The following FAM162B variants were observed in gnomAD, a reference collection of about 807,000 sequenced individuals.
FAM162B encodes the protein protein FAM162B.
In FAM162B, 16 loss-of-function variants were observed where a neutral mutation model predicts 20.0. The ratio of observed to expected loss-of-function variants is 0.80; its 90% CI spans 0.54 to 1.21. FAM162B has a LOEUF of 1.21. FAM162B is among the 50% of genes most tolerant of loss of function. The pLI is 0.00. For missense variants in FAM162B, 260 were observed against 227.5 expected (o/e 1.14, Z -0.92); for synonymous variants, 83 against 89.7 (o/e 0.93, Z 0.42).
At chr6:116,760,154 T>G (rs1371840313) in intron 3 of FAM162B, among the ~76,000 whole-genome samples, 13 of 152,212 alleles carry the variant, frequency 8.5e-5, no homozygotes, top group Admixed American at 8.5e-4. Flanking sequence ...CAAAAGTATT[T>G]AGTGTATTAA....
At chr6:116,755,211 T>G (rs558924869) in intron 3 of FAM162B, among the ~76,000 whole-genome samples, 2 of 152,302 alleles carry the variant, frequency 1.3e-5, no homozygotes, top group South Asian at 4.1e-4. Flanking sequence ...ACGTTGTGAA[T>G]GCAAAGGAAA....
chr6:116,754,529 A>G (rs1361319101), intron 3 of FAM162B, among the ~76,000 whole-genome samples: 1 of 152,186 alleles, frequency 6.6e-6, no homozygotes, highest in Non-Finnish European at 1.5e-5. Flanking sequence ...AAAAAGAAAA[A>G]TTGCTAACAT....
Position 116,765,396 on chromosome 6 carries a change from C to T in FAM162B, c.172+9G>A. ...CTCCCAGGACCTCCCCGTCGGAGCC[C>T]TGGCTCACCGTGACCTTGGGGCCCA... is the stretch of plus-strand genomic sequence containing the variant. On this transcript the variant is annotated intron_variant, in intron 1 of 3. Coordinates refer to ENST00000368557, the MANE Select transcript of FAM162B (RefSeq NM_001085480.3). 1 of 1,475,100 alleles carries T rather than the reference C, an allele frequency of 6.8e-7. No homozygotes were observed. Among genetic ancestry groups the T allele is most frequent in the African/African-American group, 1.4e-5 (1 of 70,916 alleles). The allele number at this position is 1,475,100 out of a possible 1,614,324, so 91.4% of individuals were successfully genotyped here.
At position 116,765,468 on chromosome 6, in the gene FAM162B, G is replaced by T; in HGVS notation, c.109C>A (p.Pro37Thr). Residue 37 changes from proline to threonine, a missense_variant, in exon 1 of 4, where the codon CCC (proline) becomes ACC (threonine). By Grantham distance (38) the Pro-to-Thr change is conservative. Coordinates refer to ENST00000368557, the MANE Select transcript of FAM162B (RefSeq NM_001085480.3). The stretch of plus-strand genomic sequence containing the variant: ...CTGGAGTAGCAGGGGAGACCCCGGG[G>T]CGGAAGAGCCGGTGCGGGCCGTCGC... ...ATRRPAPALP[P>T]RGLPCYSSGG... 7.0e-7 allele frequency: 1 copy of T among 1,424,304 alleles called. No homozygotes were observed. The highest frequency in any genetic ancestry group is 9.2e-7 in the Non-Finnish European group (1 of 1,091,776). 88.2% of individuals were successfully genotyped at this position (1,424,304 alleles called of 1,614,324 possible). A position where few individuals can be genotyped will look rare whatever the true frequency, so the allele number is the denominator to read the frequency against.
At chr6:116,761,934 A>G in intron 3 of FAM162B, 43 bp downstream of exon 3, 1 of 1,443,906 alleles carries the variant, frequency 6.9e-7, no homozygotes, top group Non-Finnish European at 9.5e-7. Flanking sequence ...AAAAAGAGGT[A>G]CTTACCCTTT....
At chr6:116,759,265 T>C (rs1328165862) in intron 3 of FAM162B, among the ~76,000 whole-genome samples, 1 of 151,804 alleles carries the variant, frequency 6.6e-6, no homozygotes, top group Non-Finnish European at 1.5e-5. Context: ...TTTGTTGCTA[T>C]TTTAAGTAGG....
At chr6:116,761,873 A>C (rs1185800784) in intron 3 of FAM162B, 104 bp downstream of exon 3, 3 of 736,858 alleles carry the variant, frequency 4.1e-6, no homozygotes, top group Non-Finnish European at 6.5e-6. Context: ...CTTTGGGCTG[A>C]CTAAGGAGGT....
chr6:116,756,924 A>C (rs1381586233), intron 3 of FAM162B, among the ~76,000 whole-genome samples: 1 of 152,212 alleles, frequency 6.6e-6, no homozygotes, highest in Admixed American at 6.5e-5. Context: ...GTTTTCATTC[A>C]TTTCAATACC....
intron 3 of FAM162B, among the ~76,000 whole-genome samples, chr6:116,760,895 T>G (rs1224681298): frequency 6.6e-6 from 1 of 152,118 alleles, no homozygotes; most frequent in Non-Finnish European, 1.5e-5. Flanking sequence ...AATCACAGAA[T>G]TGGGCAGAAT....
chr6:116,761,984 G>T lies in FAM162B; in HGVS notation c.383C>A (p.Ala128Asp). The change falls in exon 3 of 4, where the codon GCC becomes GAC. Residue 128 changes from alanine (A) to aspartate (D), a missense_variant. Transcript: ENST00000368557. The stretch of plus-strand genomic sequence containing the variant: ...TTTTAAGGAGATACTCACCCTTTTG[G>T]CTGACACTATCACAGCAAAGCAGGC... ...IIACFAVIVSAKRAVERHESL... is the reference protein window; with the variant it reads ...IIACFAVIVSDKRAVERHESL... 3 of 1,590,064 alleles carry T rather than the reference G, an allele frequency of 1.9e-6. No individual in the cohort carries two copies. The highest frequency in any genetic ancestry group is 2.6e-6 in the Non-Finnish European group (3 of 1,162,416).
In FAM162B at chr6:116,752,711, A is replaced by AATATATATATATATATAT. The variant is rs10556522; in HGVS notation, c.391-34_391-17dup. On this transcript the variant is annotated splice_polypyrimidine_tract_variant and intron_variant, in intron 3 of 3. Transcript: ENST00000368557. ...GTTCTACAGCCTGTGGGGGGGAAGA[A>AATATATATATATATATAT]ATATATATATATATATATATATAGA... 8.9e-4 allele frequency: 430 copies of AATATATATATATATATAT among 481,414 alleles called. 4 individuals are homozygous for AATATATATATATATATAT. The African/African-American group carries it at 0.01, about 12-fold the overall frequency. 29.8% of individuals were successfully genotyped at this position (481,414 alleles called of 1,614,324 possible). A position where few individuals can be genotyped will look rare whatever the true frequency, so the allele number is the denominator to read the frequency against.
At chr6:116,761,648 T>G (rs1008116585) in intron 3 of FAM162B, among the ~76,000 whole-genome samples, 1 of 54,926 alleles carries the variant, frequency 1.8e-5, no homozygotes, top group Non-Finnish European at 3.3e-5. Context: ...ATATATACAC[T>G]TATATATATA....
chr6:116,762,091 C>T lies in FAM162B; in HGVS notation c.282-6G>A, dbSNP rs778069523. 2 of 1,552,432 alleles carry T rather than the reference C, an allele frequency of 1.3e-6. No individual in the cohort carries two copies. Among genetic ancestry groups the T allele is most frequent in the Admixed American group, 3.4e-5 (2 of 58,092 alleles). ...CGGTGTCTATCATTTCTGGCCTAAACAAAGATGTGTATTTTGTTAAATATG... is the reference window on the plus strand; with the variant it reads ...CGGTGTCTATCATTTCTGGCCTAAATAAAGATGTGTATTTTGTTAAATATG... On this transcript the variant is annotated splice_polypyrimidine_tract_variant and splice_region_variant and intron_variant, in intron 2 of 3. Coordinates refer to ENST00000368557, the MANE Select transcript of FAM162B (RefSeq NM_001085480.3).
At chr6:116,763,661 G>C (rs1018300772) in intron 2 of FAM162B, among the ~76,000 whole-genome samples, 4 of 152,100 alleles carry the variant, frequency 2.6e-5, no homozygotes, top group African/African-American at 4.8e-5. Flanking sequence ...ACTGGGCATA[G>C]GTTTTCTTGA....
intron 3 of FAM162B, among the ~76,000 whole-genome samples, chr6:116,759,495 G>C (rs1318372527): frequency 6.6e-6 from 1 of 151,178 alleles, no homozygotes; most frequent in East Asian, 1.9e-4. Context: ...TTTTAGTAGT[G>C]ACGGAGCTTC....
intron 3 of FAM162B, 73 bp from the exon 4 acceptor site, chr6:116,752,768 A>G (rs1215031827): frequency 3.8e-5 from 16 of 425,294 alleles, no homozygotes; most frequent in Admixed American, 1.0e-4. Context: ...ACATATATGT[A>G]TATATATCTC....
rs2114555574 is a variant in FAM162B, at chr6:116,765,440, C to T, written c.137G>A (p.Gly46Asp). ...GGGCCCAGAATTGCTGGGGGCCCCGCCGCTGGAGTAGCAGGGGAGACCCCG... is the reference window on the plus strand; with the variant it reads ...GGGCCCAGAATTGCTGGGGGCCCCGTCGCTGGAGTAGCAGGGGAGACCCCG... ...PPRGLPCYSS[G>D]GAPSNSGPQG... The change falls in exon 1 of 4, where the codon GGC becomes GAC. Residue 46 changes from glycine to aspartate, a missense_variant. By Grantham distance (94) the Gly-to-Asp change is moderately conservative (BLOSUM62 -1). Transcript: ENST00000368557. The T allele has an allele frequency of 6.9e-7, 1 of 1,448,590 alleles. No homozygotes were observed. The highest frequency in any genetic ancestry group is 9.1e-7 in the Non-Finnish European group (1 of 1,100,392). The allele number at this position is 1,448,590 out of a possible 1,614,324, so 89.7% of individuals were successfully genotyped here. A position where few individuals can be genotyped will look rare whatever the true frequency, so the allele number is the denominator to read the frequency against.
chr6:116,763,013 A>T (rs1448578152), intron 2 of FAM162B, among the ~76,000 whole-genome samples: 1 of 152,078 alleles, frequency 6.6e-6, no homozygotes, highest in Non-Finnish European at 1.5e-5. Flanking sequence ...AGAAAGACAA[A>T]GTTGCATTTT....
At chr6:116,754,126 A>G (rs757962201) in intron 3 of FAM162B, among the ~76,000 whole-genome samples, 1 of 152,200 alleles carries the variant, frequency 6.6e-6, no homozygotes, top group Non-Finnish European at 1.5e-5. Flanking sequence ...TGCCAAAAAT[A>G]TTCTTTTCTT....
Sources: allele counts gnomAD v4.1 joint callset (sites outside exome capture counted in the v4.1 genomes callset), GRCh38; gene constraint gnomAD v4.1.1; transcripts MANE v1.5; gene names NCBI Gene and HGNC (gene_info 2026-07-23, HGNC 2026-07-21).